The following DCC variants were observed in gnomAD, a reference collection of about 807,000 sequenced individuals.
The protein encoded by DCC is DCC netrin 1 receptor, also known as netrin receptor DCC.
DCC carries 58 observed loss-of-function variants against 172.5 expected under a neutral mutation model. The ratio of observed to expected loss-of-function variants is 0.34; its 90% CI spans 0.27 to 0.42. The LOEUF is 0.42. DCC is among the 10% of genes least tolerant of loss of function. The pLI, the probability that DCC is intolerant of heterozygous loss-of-function variation, is 1.00. For synonymous variants in DCC, 709 were observed against 644.5 expected (o/e 1.10, Z -1.52); for missense variants, 1,740 against 1,791.0 (o/e 0.97, Z 0.51).
intron 1 of DCC, among the ~76,000 whole-genome samples, chr18:52,494,661 A>T (rs997054431): frequency 3.3e-5 from 5 of 151,856 alleles, no homozygotes; most frequent in Non-Finnish European, 7.4e-5. Flanking sequence ...CAGCATTTTC[A>T]TTGGATTCTT....
At chr18:53,313,314 C>T (rs2057304874) in intron 13 of DCC, among the ~76,000 whole-genome samples, 1 of 152,078 alleles carries the variant, frequency 6.6e-6, no homozygotes, top group African/African-American at 2.4e-5. Flanking sequence ...GGCACGATCT[C>T]GTCTCACTGC....
intron 1 of DCC, among the ~76,000 whole-genome samples, chr18:52,402,057 T>A (rs1280063744): frequency 6.6e-6 from 1 of 151,994 alleles, no homozygotes; most frequent in African/African-American, 2.4e-5. Flanking sequence ...TAAGCAAGTG[T>A]ATTACTTGTC....
intron 25 of DCC, among the ~76,000 whole-genome samples, chr18:53,473,300 T>C (rs2045720989): frequency 6.6e-6 from 1 of 152,242 alleles, no homozygotes; most frequent in Non-Finnish European, 1.5e-5. Context: ...TTCATCTTCA[T>C]ATTCACACAT....
intron 1 of DCC, among the ~76,000 whole-genome samples, chr18:52,739,446 G>T (rs2036781323): frequency 6.6e-6 from 1 of 152,124 alleles, no homozygotes; most frequent in Admixed American, 6.5e-5. Flanking sequence ...ATTCATGTTT[G>T]CTCCCTTGGA....
intron 1 of DCC, among the ~76,000 whole-genome samples, chr18:52,416,578 T>G (rs1222940): frequency 0.14 from 21,793 of 150,954 alleles, 1,622 homozygotes; most frequent in Admixed American, 0.2. Context: ...GCATATATAT[T>G]TAGGATAGTT....
At chr18:53,335,888 G>A (rs1197767604) in intron 14 of DCC, among the ~76,000 whole-genome samples, 2 of 152,096 alleles carry the variant, frequency 1.3e-5, no homozygotes, top group Non-Finnish European at 1.5e-5. Flanking sequence ...AACTTGTGCA[G>A]GGAAAGTCCC....
At chr18:52,883,346 A>G (rs1248153151) in intron 2 of DCC, among the ~76,000 whole-genome samples, 7 of 38,552 alleles carry the variant, frequency 1.8e-4, no homozygotes, top group South Asian at 5.5e-4. Flanking sequence ...TTATTTATTT[A>G]TTTATGTGTG....
chr18:53,419,371 T>C (rs1160554779), intron 21 of DCC, among the ~76,000 whole-genome samples: 2 of 152,148 alleles, frequency 1.3e-5, no homozygotes, highest in Non-Finnish European at 2.9e-5. Context: ...TATCAAATAG[T>C]AGGTCTTACT....
intron 1 of DCC, among the ~76,000 whole-genome samples, chr18:52,442,931 A>C (rs1598822221): frequency 6.6e-6 from 1 of 152,120 alleles, no homozygotes; most frequent in Non-Finnish European, 1.5e-5. Flanking sequence ...CCACATGAAG[A>C]GAACAGCTGT....
intron 15 of DCC, among the ~76,000 whole-genome samples, chr18:53,360,790 G>A (rs2057936845): frequency 1.3e-5 from 2 of 152,112 alleles, no homozygotes; most frequent in East Asian, 1.9e-4. Flanking sequence ...TATGACATAA[G>A]GGATCATTTT....
At chr18:53,394,556 A>C (rs1457441812) in intron 17 of DCC, among the ~76,000 whole-genome samples, 1 of 152,116 alleles carries the variant, frequency 6.6e-6, no homozygotes, top group African/African-American at 2.4e-5. Flanking sequence ...TCTATTCAAA[A>C]TATATCCATC....
chr18:52,822,954 A>T (rs2038434652), intron 2 of DCC, among the ~76,000 whole-genome samples: 1 of 152,238 alleles, frequency 6.6e-6, no homozygotes, highest in African/African-American at 2.4e-5. Flanking sequence ...AAGTAAGTCA[A>T]AACATGAGAA....
At chr18:52,834,608 G>A (rs989879887) in intron 2 of DCC, among the ~76,000 whole-genome samples, 1 of 152,038 alleles carries the variant, frequency 6.6e-6, no homozygotes, top group Non-Finnish European at 1.5e-5. Context: ...GCTAATGTGT[G>A]CCTTCTACAC....
intron 1 of DCC, among the ~76,000 whole-genome samples, chr18:52,489,277 T>C (rs1243812675): frequency 2.0e-5 from 3 of 152,120 alleles, no homozygotes; most frequent in Non-Finnish European, 4.4e-5. Flanking sequence ...TCCTACCAAC[T>C]TTCTGGCTAC....
chr18:53,392,566 C>T (rs192885183), intron 17 of DCC, among the ~76,000 whole-genome samples: 63 of 152,180 alleles, frequency 4.1e-4, no homozygotes, highest in South Asian at 1.7e-3. Flanking sequence ...ATCAACCAGC[C>T]TCAGGGATCA....
At chr18:52,530,217 A>G (rs1013129778) in intron 1 of DCC, among the ~76,000 whole-genome samples, 1 of 152,200 alleles carries the variant, frequency 6.6e-6, no homozygotes, top group African/African-American at 2.4e-5. Flanking sequence ...TCTCTCTTCA[A>G]GGAATGGTAC....
At chr18:52,944,444 G>C (rs1038130942) in intron 5 of DCC, among the ~76,000 whole-genome samples, 3 of 152,152 alleles carry the variant, frequency 2.0e-5, no homozygotes, top group Admixed American at 6.5e-5. Context: ...TAAAATCTGA[G>C]CCTAAAGGCA....
chr18:52,911,545 T>C (rs1472432673), intron 3 of DCC, among the ~76,000 whole-genome samples: 3 of 152,112 alleles, frequency 2.0e-5, no homozygotes, highest in Non-Finnish European at 4.4e-5. Flanking sequence ...CTACTTATTA[T>C]AACAGTTCAA....
chr18:52,839,645 G>T (rs1380964444), intron 2 of DCC, among the ~76,000 whole-genome samples: 3 of 152,046 alleles, frequency 2.0e-5, no homozygotes, highest in Non-Finnish European at 4.4e-5. Context: ...GGCAAAACAG[G>T]TTATGATTGC....
Sources: gnomAD v4.1 joint callset for allele counts (sites outside exome capture counted in the v4.1 genomes callset) on GRCh38, gnomAD v4.1.1 for gene constraint, MANE v1.5 for transcripts, NCBI Gene and HGNC (gene_info 2026-07-23, HGNC 2026-07-21) for gene names.